The following MYRIP variants were observed in gnomAD, a reference collection of about 807,000 sequenced individuals.
MYRIP encodes rab effector MyRIP.
Under a neutral mutation model 98.0 loss-of-function variants are expected in MYRIP, and 49 were observed. The observed-to-expected ratio is 0.50, with a 90% confidence interval of 0.40 to 0.63. The LOEUF (loss-of-function observed/expected upper bound fraction) is 0.63. MYRIP is among the 30% of genes least tolerant of loss of function. The pLI is 0.00. For synonymous variants in MYRIP, 404 were observed against 409.5 expected (o/e 0.99, Z 0.16); for missense variants, 1,004 against 1,058.2 (o/e 0.95, Z 0.71).
chr3:39,950,281 A>T (rs1344292784), intron 2 of MYRIP, among the ~76,000 whole-genome samples: 1 of 152,234 alleles, frequency 6.6e-6, no homozygotes, highest in Non-Finnish European at 1.5e-5. Context: ...AGAATTTTCC[A>T]TGTAACCATA....
chr3:40,113,910 C>T (rs878985831), intron 3 of MYRIP, among the ~76,000 whole-genome samples: 4 of 151,566 alleles, frequency 2.6e-5, no homozygotes, highest in Admixed American at 6.6e-5. Flanking sequence ...AGGATGGTCT[C>T]GATCTCCTGA....
intron 10 of MYRIP, among the ~76,000 whole-genome samples, chr3:40,206,016 G>T (rs1161001633): frequency 2.0e-5 from 3 of 152,006 alleles, no homozygotes; most frequent in Non-Finnish European, 4.4e-5. Context: ...TGGAGGCATG[G>T]ACCCCTGTGA....
chr3:40,114,270 T>C (rs1949227480), intron 3 of MYRIP, among the ~76,000 whole-genome samples: 1 of 152,186 alleles, frequency 6.6e-6, no homozygotes, highest in Non-Finnish European at 1.5e-5. Flanking sequence ...TTGCCTACAG[T>C]ATTCAGTACA....
chr3:39,872,108 A>G (rs1346485552), intron 1 of MYRIP, among the ~76,000 whole-genome samples: 1 of 152,048 alleles, frequency 6.6e-6, no homozygotes, highest in Non-Finnish European at 1.5e-5. Context: ...ATTTTTAGAA[A>G]TCATATTATT....
rs1943667818 is a variant in MYRIP, at chr3:39,898,479, C to G, written c.-30-2308C>G. On this transcript the variant is annotated intron_variant, in intron 1 of 16. Transcript: ENST00000302541. The stretch of plus-strand genomic sequence containing the variant: ...TAAATAGCAACCATGCTTGGGGTCT[C>G]CTATTCTTAATCATTACAGGCTAGA... Among the ~76,000 whole-genome samples, 3 of 152,012 alleles carry G rather than the reference C, an allele frequency of 2.0e-5. No individual in the cohort carries two copies. The South Asian group carries it at 6.2e-4, about 32-fold the overall frequency.
At chr3:40,037,594 A>C (rs1045384825) in intron 2 of MYRIP, among the ~76,000 whole-genome samples, 1 of 152,036 alleles carries the variant, frequency 6.6e-6, no homozygotes, top group Non-Finnish European at 1.5e-5. Flanking sequence ...CCTAAAACTG[A>C]GTTCTGTTGA....
intron 1 of MYRIP, among the ~76,000 whole-genome samples, chr3:39,847,098 A>G (rs926545039): frequency 6.6e-5 from 10 of 152,214 alleles, no homozygotes; most frequent in Non-Finnish European, 1.2e-4. Context: ...ACATGAAATT[A>G]ATAATCACAG....
intron 2 of MYRIP, among the ~76,000 whole-genome samples, chr3:39,963,455 CT>C (rs1184400820): frequency 6.6e-6 from 1 of 152,154 alleles, no homozygotes; most frequent in South Asian, 2.1e-4. Context: ...TCACTTACTA[CT>C]TCATCCCTGT....
At chr3:40,067,848 TAG>T (rs1948153466) in intron 3 of MYRIP, among the ~76,000 whole-genome samples, 2 of 152,216 alleles carry the variant, frequency 1.3e-5, no homozygotes, top group South Asian at 2.1e-4. Context: ...ATCACCTTGA[TAG>T]AGTTATTGTC....
intron 3 of MYRIP, among the ~76,000 whole-genome samples, chr3:40,125,556 C>A (rs1455411117): frequency 6.6e-6 from 1 of 152,212 alleles, no homozygotes; most frequent in African/African-American, 2.4e-5. Flanking sequence ...CACAGACATA[C>A]CCAGGATCAA....
chr3:40,148,537 C>G (rs1950055101), intron 3 of MYRIP, among the ~76,000 whole-genome samples: 1 of 152,056 alleles, frequency 6.6e-6, no homozygotes, highest in African/African-American at 2.4e-5. Context: ...TTTAGGTCTT[C>G]TATTAAATTT....
intron 2 of MYRIP, among the ~76,000 whole-genome samples, chr3:40,013,874 C>T (rs1946809804): frequency 6.6e-6 from 1 of 152,224 alleles, no homozygotes; most frequent in Non-Finnish European, 1.5e-5. Context: ...TAATTTAAAA[C>T]ATAAAGGATG....
intron 3 of MYRIP, among the ~76,000 whole-genome samples, chr3:40,147,603 TG>T (rs1387234178): frequency 6.6e-6 from 1 of 152,142 alleles, no homozygotes; most frequent in African/African-American, 2.4e-5. Flanking sequence ...ACTTGAAAAA[TG>T]GGTCATCATC....
At chr3:40,043,685 A>T (rs1000332197) in intron 2 of MYRIP, among the ~76,000 whole-genome samples, 1 of 152,186 alleles carries the variant, frequency 6.6e-6, no homozygotes, top group African/African-American at 2.4e-5. Flanking sequence ...GTTTTATCAT[A>T]AGTGATCTCC....
At chr3:39,917,121 A>G (rs1406855390) in intron 2 of MYRIP, among the ~76,000 whole-genome samples, 1 of 152,160 alleles carries the variant, frequency 6.6e-6, no homozygotes, top group Non-Finnish European at 1.5e-5. Context: ...ACTATATTTT[A>G]TCCTGTTTTT....
intron 3 of MYRIP, among the ~76,000 whole-genome samples, chr3:40,131,512 A>T (rs1949638716): frequency 6.6e-6 from 1 of 152,240 alleles, no homozygotes; most frequent in Admixed American, 6.5e-5. Context: ...TGAGGAGGGT[A>T]GAGCTCCCAT....
intron 3 of MYRIP, among the ~76,000 whole-genome samples, chr3:40,111,156 C>A (rs1228665761): frequency 6.6e-6 from 1 of 151,988 alleles, no homozygotes; most frequent in Non-Finnish European, 1.5e-5. Flanking sequence ...GTGGTCAGGG[C>A]TACAGACAAG....
intron 12 of MYRIP, among the ~76,000 whole-genome samples, chr3:40,243,927 A>G (rs1261342747): frequency 1.3e-5 from 2 of 152,226 alleles, no homozygotes; most frequent in Non-Finnish European, 2.9e-5. Flanking sequence ...TACAAACTTC[A>G]GGTTTATTTT....
chr3:39,898,029 T>C (rs1017203796), intron 1 of MYRIP, among the ~76,000 whole-genome samples: 9 of 152,160 alleles, frequency 5.9e-5, no homozygotes, highest in African/African-American at 1.7e-4. Flanking sequence ...GAAGAATCAG[T>C]CTGCATTTTC....
Sources: gnomAD v4.1 joint callset for allele counts (sites outside exome capture counted in the v4.1 genomes callset) on GRCh38, gnomAD v4.1.1 for gene constraint, MANE v1.5 for transcripts, NCBI Gene and HGNC (gene_info 2026-07-23, HGNC 2026-07-21) for gene names.